The following CIB4 variants were observed in gnomAD, a reference collection of about 807,000 sequenced individuals.
The protein encoded by CIB4 is calcium and integrin-binding family member 4.
In CIB4, 25 loss-of-function variants were observed where a neutral mutation model predicts 25.8. That is an observed-to-expected ratio of 0.97 (90% CI 0.71 to 1.35). The LOEUF (loss-of-function observed/expected upper bound fraction) is 1.35. Among genes scored for constraint, CIB4 ranks in the 40% most tolerant of loss-of-function variants. The probability of loss-of-function intolerance (pLI) is 0.00; values close to 1 mark genes in which losing one functional copy is unlikely to be tolerated. For synonymous variants in CIB4, 75 were observed against 81.4 expected, an observed-to-expected ratio of 0.92 and a Z score of 0.42; for missense variants, 235 against 228.2, an observed-to-expected ratio of 1.03 and a Z score of -0.19.
intron 3 of CIB4, among the ~76,000 whole-genome samples, chr2:26,596,822 C>A (rs1042120199): frequency 6.6e-6 from 1 of 151,692 alleles, no homozygotes; most frequent in East Asian, 1.9e-4. Context: ...TCTTCTGAAC[C>A]ACATGGAGGT....
intron 2 of CIB4, among the ~76,000 whole-genome samples, chr2:26,639,923 C>T (rs1265900094): frequency 6.6e-6 from 1 of 152,156 alleles, no homozygotes; most frequent in Non-Finnish European, 1.5e-5. Flanking sequence ...ACACACACCT[C>T]TCACACTATT....
chr2:26,599,727 A>G (rs914841242), intron 3 of CIB4, among the ~76,000 whole-genome samples: 1 of 151,756 alleles, frequency 6.6e-6, no homozygotes, highest in African/African-American at 2.4e-5. Context: ...TAGTGTTTTT[A>G]TTTTCTAATC....
chr2:26,640,432 A>C, intron 2 of CIB4, 101 bp downstream of exon 2: 1 of 1,281,606 alleles, frequency 7.8e-7, no homozygotes, highest in Non-Finnish European at 1.1e-6. Flanking sequence ...GGCTCTGAGC[A>C]GGGACCACAC....
chr2:26,631,649 C>T (rs1349849341), intron 2 of CIB4, among the ~76,000 whole-genome samples: 1 of 152,164 alleles, frequency 6.6e-6, no homozygotes, highest in Non-Finnish European at 1.5e-5. Flanking sequence ...CATCCTTCAG[C>T]TCCCAGCCCT....
intron 3 of CIB4, among the ~76,000 whole-genome samples, chr2:26,614,570 G>A (rs1429664626): frequency 6.6e-6 from 1 of 152,226 alleles, no homozygotes; most frequent in Non-Finnish European, 1.5e-5. Context: ...GTGCACCACA[G>A]GGCGCCCAGT....
chr2:26,629,297 T>C (rs1359952895), intron 3 of CIB4, 113 bp downstream of exon 3: 1 of 693,896 alleles, frequency 1.4e-6, no homozygotes, highest in Non-Finnish European at 2.6e-6. Flanking sequence ...TGGAGTGAGG[T>C]GACCATCCCA....
chr2:26,620,812 G>A (rs912857190), intron 3 of CIB4, among the ~76,000 whole-genome samples: 5 of 152,232 alleles, frequency 3.3e-5, no homozygotes, highest in Non-Finnish European at 5.9e-5. Context: ...AGTGAGAAAA[G>A]CACCTTAAAG....
rs899223921 is a variant in CIB4, at chr2:26,637,333, C to T, written c.89+3200G>A. 2.6e-5 allele frequency among the ~76,000 whole-genome samples: 4 copies of T among 152,136 alleles called. No homozygotes were observed. The East Asian group carries it at 5.8e-4, about 22-fold the overall frequency. ...TCAACTTTCTATTCAGCTAAGTCTG[C>T]GTCATGGGTCTATCTGCTTTGCACT... is the stretch of plus-strand genomic sequence containing the variant. On this transcript the variant is annotated intron_variant, in intron 2 of 6. Coordinates refer to ENST00000288861, the MANE Select transcript of CIB4 (RefSeq NM_001029881.3).
chr2:26,582,040 C>T (rs1024936559), intron 6 of CIB4, among the ~76,000 whole-genome samples: 1 of 152,194 alleles, frequency 6.6e-6, no homozygotes, highest in Non-Finnish European at 1.5e-5. Context: ...CGTGGAGGGG[C>T]GATGGGAGGC....
rs747694814 is a variant in CIB4 at position 26,640,549 on chromosome 2, T to C, written c.73A>G (p.Arg25Gly). Residue 25 changes from arginine (R) to glycine (G), a missense_variant, in exon 2 of 7, where the codon AGA becomes GGA. Arg to Gly is a moderately radical substitution (Grantham distance 125, BLOSUM62 -2). Transcript: ENST00000288861. ...TCTACTCACCACAGAATTTCATTTC[T>C]GGTCAGGAAGGTCAGGGCCTGCAAC... ...EEYQALTFLT[R>G]NEILCIHDTF... 19 of 1,613,214 alleles carry C rather than the reference T, an allele frequency of 1.2e-5. No homozygotes were observed. In the African/African-American group the frequency reaches 1.2e-4, roughly 10 times the overall value.
At chr2:26,626,226 T>C (rs939782902) in intron 3 of CIB4, among the ~76,000 whole-genome samples, 3 of 152,208 alleles carry the variant, frequency 2.0e-5, no homozygotes, top group African/African-American at 7.2e-5. Context: ...CCGAAGATCA[T>C]GTGGCTAGCA....
intron 2 of CIB4, among the ~76,000 whole-genome samples, chr2:26,635,141 G>A (rs906189951): frequency 3.9e-5 from 6 of 152,270 alleles, no homozygotes; most frequent in Admixed American, 2.6e-4. Context: ...CGATGCTAGG[G>A]CGGAAAGGGA....
chr2:26,600,664 C>G (rs1668764899), intron 3 of CIB4, among the ~76,000 whole-genome samples: 1 of 152,092 alleles, frequency 6.6e-6, no homozygotes, highest in South Asian at 2.1e-4. Flanking sequence ...GAGCCCATGT[C>G]CTGGGAGAAG....
chr2:26,633,606 G>T (rs553061804), intron 2 of CIB4, among the ~76,000 whole-genome samples: 203 of 152,306 alleles, frequency 1.3e-3, no homozygotes, highest in African/African-American at 4.4e-3. Context: ...ATGAATCGTG[G>T]CTGCATCTCG....
At chr2:26,631,960 G>A (rs954755810) in intron 2 of CIB4, among the ~76,000 whole-genome samples, 1 of 152,188 alleles carries the variant, frequency 6.6e-6, no homozygotes, top group African/African-American at 2.4e-5. Flanking sequence ...GTGCTTCCCT[G>A]GGCCTCCTTC....
chr2:26,588,993 CTT>C lies in CIB4; in HGVS notation c.329-5097_329-5096del, dbSNP rs1267233692. On this transcript the variant is annotated intron_variant, in intron 4 of 6. Coordinates refer to ENST00000288861, the MANE Select transcript of CIB4 (RefSeq NM_001029881.3). ...CCGCTTCTTCTTTCTTCTTCTTCTT[CTT>C]CTTCTTCTTCTTCTTCTTCTTCTTC... Among the ~76,000 whole-genome samples, 27 of 7,354 alleles carry C rather than the reference CTT, an allele frequency of 3.7e-3. 2 individuals carry two copies. Among genetic ancestry groups the C allele is most frequent in the African/African-American group, 0.011 (27 of 2,562 alleles). 4.8% of individuals were successfully genotyped at this position (7,354 alleles called of 152,430 possible).
intron 3 of CIB4, among the ~76,000 whole-genome samples, chr2:26,615,030 G>T (rs1206465319): frequency 6.6e-6 from 1 of 152,206 alleles, no homozygotes; most frequent in Non-Finnish European, 1.5e-5. Flanking sequence ...GTGATGAGAA[G>T]CAAGGAGAGT....
chr2:26,604,924 G>A (rs1286113584), intron 3 of CIB4, among the ~76,000 whole-genome samples: 1 of 152,074 alleles, frequency 6.6e-6, no homozygotes, highest in African/African-American at 2.4e-5. Context: ...CAATCAACGG[G>A]ACCCAATTGA....
chr2:26,589,138 T>C (rs1572540662), intron 4 of CIB4, among the ~76,000 whole-genome samples: 3 of 126,418 alleles, frequency 2.4e-5, no homozygotes, highest in East Asian at 4.2e-4. Flanking sequence ...CTTCTTCTTC[T>C]TCTCCTTCCC....
Sources: gnomAD v4.1 joint callset for allele counts (sites outside exome capture counted in the v4.1 genomes callset) on GRCh38, gnomAD v4.1.1 for gene constraint, MANE v1.5 for transcripts, NCBI Gene and HGNC (gene_info 2026-07-23, HGNC 2026-07-21) for gene names.